CA12: variants seen among roughly 807,000 people sequenced by gnomAD.
CA12 encodes the protein carbonate dehydratase XII.
CA12 carries 36 observed loss-of-function variants against 46.8 expected under a neutral mutation model. The ratio of observed to expected loss-of-function variants is 0.77; its 90% CI spans 0.59 to 1.02. CA12 has a LOEUF of 1.02. Among genes scored for constraint, CA12 ranks in the 50% least tolerant of loss-of-function variants. The pLI is 0.00. For missense variants in CA12, 436 were observed against 451.4 expected, an observed-to-expected ratio of 0.97 and a Z score of 0.31; for synonymous variants, 202 against 187.0, an observed-to-expected ratio of 1.08 and a Z score of -0.65.
chr15:63,340,336 A>T lies in CA12; in HGVS notation c.699T>A (p.Thr233=), dbSNP rs1349547334. The T allele has an allele frequency of 1.2e-6, 2 of 1,614,148 alleles. No individual in the cohort carries two copies. The highest frequency in any genetic ancestry group is 2.2e-5 in the South Asian group (2 of 91,086). Residue 233 remains threonine (T), a synonymous_variant, in exon 7 of 11, where the codon ACT becomes ACA. Coordinates refer to ENST00000178638, the MANE Select transcript of CA12 (RefSeq NM_001218.5). The surrounding 1 kb of genome is among the most constrained non-coding windows in gnomAD (Gnocchi z 4.4). ...GGTTTCGGAAAACTGTCCAGAGCAC[A>T]GTGGGGTTGCAAGGGGGTGTGGTCA... The part of the protein sequence containing the change: ...GSLTTPPCNP[T]VLWTVFRNPV...
At position 63,327,998 on chromosome 15, in the gene CA12, G is replaced by C. The variant is rs1567039990; in HGVS notation, c.907+100C>G. 1 of 1,139,450 alleles carries C rather than the reference G, an allele frequency of 8.8e-7. No individual in the cohort carries two copies. The highest frequency in any genetic ancestry group is 2.3e-5 in the East Asian group (1 of 42,794). The allele number at this position is 1,139,450 out of a possible 1,614,324, so 70.6% of individuals were successfully genotyped here. A position where few individuals can be genotyped will look rare whatever the true frequency, so the allele number is the denominator to read the frequency against. On this transcript the variant is annotated intron_variant, in intron 9 of 10. Coordinates refer to ENST00000178638, the MANE Select transcript of CA12 (RefSeq NM_001218.5). This position sits in a 1 kb window ranked among gnomAD's most constrained non-coding sequence, Gnocchi z 4.5. ...AGCAAGGAGAGGGCCAGGAGCCAGA[G>C]CAATAGTACAGAGAAGCAGAGAGGA...
chr15:63,381,013 G>C (rs1343045998), intron 1 of CA12, among the ~76,000 whole-genome samples: 2 of 2,192 alleles, frequency 9.1e-4, no homozygotes, highest in African/African-American at 1.4e-3. Context: ...GAAATATGCT[G>C]TGTGTGTGTG....
intron 2 of CA12, among the ~76,000 whole-genome samples, chr15:63,359,826 A>C (rs2039338849): frequency 6.6e-6 from 1 of 152,180 alleles, no homozygotes; most frequent in Non-Finnish European, 1.5e-5. Flanking sequence ...CTTGCCCCAC[A>C]GCTGTACCCC....
At chr15:63,377,475 G>C (rs968035554) in intron 1 of CA12, among the ~76,000 whole-genome samples, 5 of 138,530 alleles carry the variant, frequency 3.6e-5, no homozygotes, top group African/African-American at 1.3e-4. Flanking sequence ...AAGTGAACTT[G>C]GCTTTTTTTT....
At position 63,369,470 on chromosome 15, in the gene CA12, G is replaced by A. The variant is rs559512663; in HGVS notation, c.106+6188C>T. 4.6e-5 allele frequency among the ~76,000 whole-genome samples: 7 copies of A among 152,360 alleles called. No individual in the cohort carries two copies. In the East Asian group the frequency reaches 1.3e-3, roughly 29 times the overall value. ...TTGATCCTTACCACAACCCTCTGAA[G>A]CACAGCTGGGATTCTCAAACTTGAG... is the stretch of plus-strand genomic sequence containing the variant. On this transcript the variant is annotated intron_variant, in intron 2 of 10. Transcript: ENST00000178638.
Position 63,372,044 on chromosome 15 carries a change from G to A in CA12, c.106+3614C>T, listed in dbSNP as rs2039514851. The stretch of plus-strand genomic sequence containing the variant: ...GATGAATGCTCAAAAACTGACTGCA[G>A]CACCCACACCAAGGACCTGAACGTG... On this transcript the variant is annotated intron_variant, in intron 2 of 10. Transcript: ENST00000178638. The surrounding 1 kb of genome is among the most constrained non-coding windows in gnomAD (Gnocchi z 4.5). 2.6e-5 allele frequency among the ~76,000 whole-genome samples: 4 copies of A among 152,122 alleles called. No individual in the cohort carries two copies. The South Asian group carries it at 8.3e-4, about 32-fold the overall frequency.
At chr15:63,335,326 C>G (rs1357487123) in intron 8 of CA12, among the ~76,000 whole-genome samples, 1 of 152,086 alleles carries the variant, frequency 6.6e-6, no homozygotes, top group Non-Finnish European at 1.5e-5. Flanking sequence ...GGTCCTGTAC[C>G]CCTTTTCTAA....
intron 2 of CA12, among the ~76,000 whole-genome samples, chr15:63,364,497 G>C (rs1199520120): frequency 6.6e-6 from 1 of 152,082 alleles, no homozygotes; most frequent in African/African-American, 2.4e-5. Flanking sequence ...CTGTACAGGA[G>C]ATGCAGCTGG....
At chr15:63,377,478 T>C (rs1474255033) in intron 1 of CA12, among the ~76,000 whole-genome samples, 1 of 135,230 alleles carries the variant, frequency 7.4e-6, no homozygotes, top group Non-Finnish European at 1.5e-5. Context: ...TGAACTTGGC[T>C]TTTTTTTTAA....
intron 2 of CA12, among the ~76,000 whole-genome samples, chr15:63,358,598 G>A (rs2152622283): frequency 6.6e-6 from 1 of 152,324 alleles, no homozygotes; most frequent in Non-Finnish European, 1.5e-5. Context: ...TGAAGAGTGT[G>A]AAGCGGTAGG....
At chr15:63,361,074 G>A (rs2152623133) in intron 2 of CA12, among the ~76,000 whole-genome samples, 1 of 152,324 alleles carries the variant, frequency 6.6e-6, no homozygotes, top group South Asian at 2.1e-4. Flanking sequence ...CAGGGGTGGG[G>A]GGATTCATAA....
In CA12 at chr15:63,324,181, C is replaced by T. The variant is rs2038835069; in HGVS notation, c.*2104G>A. ...TTCTGCCTCCCGGGCTTTGTCTGGT[C>T]TCAGCCTCGGGGCTGCAATCCAGGG... On this transcript the variant is annotated 3_prime_UTR_variant, in exon 11 of 11. Transcript: ENST00000178638. 1 of 152,260 alleles carries T rather than the reference C, an allele frequency of 6.6e-6. No individual in the cohort carries two copies. The highest frequency in any genetic ancestry group is 1.5e-5 in the Non-Finnish European group (1 of 68,086). 9.4% of individuals were successfully genotyped at this position (152,260 alleles called of 1,614,324 possible). A position where few individuals can be genotyped will look rare whatever the true frequency, so the allele number is the denominator to read the frequency against.
At position 63,327,123 on chromosome 15, in the gene CA12, C is replaced by A; in HGVS notation, c.992+26G>T. The A allele has an allele frequency of 1.3e-6, 2 of 1,597,850 alleles. No homozygotes were observed. The highest frequency in any genetic ancestry group is 1.1e-5 in the South Asian group (1 of 90,658). ...CATCATGGACACATAGCTGTCCATT[C>A]CCATTTTGGACCCAAACCAGCTCAC... On this transcript the variant is annotated intron_variant, in intron 10 of 10. Coordinates refer to ENST00000178638, the MANE Select transcript of CA12 (RefSeq NM_001218.5). This position sits in a 1 kb window ranked among gnomAD's most constrained non-coding sequence, Gnocchi z 4.5.
intron 1 of CA12, among the ~76,000 whole-genome samples, chr15:63,377,860 C>T (rs1266352438): frequency 6.6e-6 from 1 of 152,262 alleles, no homozygotes; most frequent in Admixed American, 6.5e-5. Flanking sequence ...TTCTTACACT[C>T]ATAGCCCATC....
At chr15:63,366,138 CAAAAAAAA>C (rs10680238) in intron 2 of CA12, among the ~76,000 whole-genome samples, 13 of 116,872 alleles carry the variant, frequency 1.1e-4, no homozygotes, top group Non-Finnish European at 1.3e-4. Flanking sequence ...GAGACTATCT[CAAAAAAAA>C]AAAAAAAAAA....
chr15:63,365,323 C>T (rs559261772), intron 2 of CA12, among the ~76,000 whole-genome samples: 20 of 152,352 alleles, frequency 1.3e-4, no homozygotes, highest in East Asian at 3.9e-4. Context: ...ATTTCCTCAA[C>T]GGCATGAGGT....
chr15:63,338,873 AGTT>A lies in CA12; in HGVS notation c.817_819del (p.Asn273del), dbSNP rs747847302. 6 of 1,614,036 alleles carry A rather than the reference AGTT, an allele frequency of 3.7e-6. No homozygotes were observed. Among genetic ancestry groups the A allele is most frequent in the Middle Eastern group, 1.6e-4 (1 of 6,084 alleles). On this transcript the variant is annotated inframe_deletion, in exon 8 of 11. Transcript: ENST00000178638. ...TCATCGAACTTCTGGACCTGCCGGA[AGTT>A]GTTGATCATTTCTCTGGGGGAAGGG...
At chr15:63,358,873 C>T (rs1262237592) in intron 2 of CA12, among the ~76,000 whole-genome samples, 15 of 152,220 alleles carry the variant, frequency 9.9e-5, no homozygotes, top group Admixed American at 9.8e-4. Flanking sequence ...ACTGAGTCCA[C>T]ACAGACTCTT....
chr15:63,376,552 T>TC (rs1567056907), intron 1 of CA12, among the ~76,000 whole-genome samples: 3 of 144,878 alleles, frequency 2.1e-5, no homozygotes, highest in Non-Finnish European at 3.0e-5. Flanking sequence ...CCACTCTCTT[T>TC]CTTTCCTTTC....
Sources: gnomAD v4.1 joint callset for allele counts (sites outside exome capture counted in the v4.1 genomes callset) on GRCh38, gnomAD v4.1.1 for gene constraint, Gnocchi (gnomAD v3.1) non-coding constraint, MANE v1.5 for transcripts, NCBI Gene and HGNC (gene_info 2026-07-23, HGNC 2026-07-21) for gene names.